MON2: variants seen among roughly 807,000 people sequenced by gnomAD.
MON2 encodes the protein MON2 regulator of endosome-to-Golgi trafficking, also known as protein MON2 homolog.
A neutral mutation model predicts 208.6 loss-of-function variants in MON2; 84 were observed. The ratio of observed to expected loss-of-function variants is 0.40; its 90% CI spans 0.34 to 0.48. The LOEUF (loss-of-function observed/expected upper bound fraction) is 0.48, where lower values mean the gene tolerates loss of function less well. Among genes scored for constraint, MON2 ranks in the 20% least tolerant of loss-of-function variants. The pLI, the probability that MON2 is intolerant of heterozygous loss-of-function variation, is 0.59. For missense variants in MON2, 1,611 were observed against 2,015.4 expected (o/e 0.80, Z 3.84); for synonymous variants, 660 against 694.0 (o/e 0.95, Z 0.77).
chr12:62,498,539 T>G (rs2070664014), intron 4 of MON2, among the ~76,000 whole-genome samples: 1 of 152,202 alleles, frequency 6.6e-6, no homozygotes, highest in Admixed American at 6.5e-5. Flanking sequence ...TGACTCCTTT[T>G]AAAAGTTTCA....
chr12:62,585,353 C>T lies in MON2; in HGVS notation c.4759C>T (p.Leu1587Phe), dbSNP rs1420621759. ...EFSKMCFETL[L>F]QFSFSNKVTT... is the part of the protein sequence containing the mutation. ...TTCTAAAATGTGTTTTGAAACATTA[C>T]TCCAGTTTTCCTTCAGTAATAAAGT... The change falls in exon 33 of 35, where the codon CTC (leucine) becomes TTC (phenylalanine). Residue 1587 changes from leucine (L) to phenylalanine (F), a missense_variant. By Grantham distance (22) the Leu-to-Phe change is conservative (BLOSUM62 0). Transcript: ENST00000393630. The T allele has an allele frequency of 6.2e-7, 1 of 1,613,854 alleles. No individual in the cohort carries two copies. The highest frequency in any genetic ancestry group is 1.7e-5 in the Admixed American group (1 of 59,990).
chr12:62,522,627 C>T (rs2072110003), intron 8 of MON2, among the ~76,000 whole-genome samples: 1 of 152,152 alleles, frequency 6.6e-6, no homozygotes, highest in African/African-American at 2.4e-5. Context: ...TATGACATAT[C>T]TGGGTCACAA....
At chr12:62,550,007 A>T (rs1222194613) in intron 23 of MON2, among the ~76,000 whole-genome samples, 177 bp downstream of exon 23, 1 of 152,224 alleles carries the variant, frequency 6.6e-6, no homozygotes, top group East Asian at 1.9e-4. Context: ...TAATAACAAA[A>T]TGTTTGAAAT....
intron 25 of MON2, 82 bp from the exon 26 acceptor site, chr12:62,560,408 CA>C: frequency 1.5e-6 from 2 of 1,361,900 alleles, no homozygotes; most frequent in South Asian, 2.9e-5. Context: ...AAAAATTAAG[CA>C]AATATGCTTT....
chr12:62,484,709 A>G (rs2069659844), intron 2 of MON2: 1 of 152,290 alleles, frequency 6.6e-6, no homozygotes, highest in African/African-American at 2.4e-5. Context: ...TTAAGGCAGT[A>G]TGATCATGAA....
rs756735162 is a variant in MON2 at position 62,535,596 on chromosome 12, G to T, written c.1787G>T (p.Gly596Val). The change falls in exon 14 of 35, where the codon GGC becomes GTC. Residue 596 changes from glycine to valine, a missense_variant. Gly to Val is a moderately radical substitution (Grantham distance 109). Coordinates refer to ENST00000393630, the MANE Select transcript of MON2 (RefSeq NM_015026.3). Reference sequence around the variant, plus strand: ...ATGGCTGCTCTTTGTGGAAGACTGGGCCTTGTAACTTCAAGAGATGCCTTT... The same window carrying T: ...ATGGCTGCTCTTTGTGGAAGACTGGTCCTTGTAACTTCAAGAGATGCCTTT... ...LTMAALCGRL[G>V]LVTSRDAFIT... 1 of 1,613,684 alleles carries T rather than the reference G, an allele frequency of 6.2e-7. No homozygotes were observed. The highest frequency in any genetic ancestry group is 8.5e-7 in the Non-Finnish European group (1 of 1,179,776).
intron 11 of MON2, 134 bp downstream of exon 11, chr12:62,526,236 C>T (rs2072323185): frequency 4.8e-6 from 4 of 833,846 alleles, no homozygotes; most frequent in Admixed American, 3.0e-5. Flanking sequence ...TTTCTTTCGT[C>T]ATATTTTGAA....
rs535469630 is a variant in MON2, at chr12:62,558,332, T to A, written c.3409+2140T>A. Among the ~76,000 whole-genome samples the A allele has an allele frequency of 4.6e-5, 7 of 152,150 alleles. No homozygotes were observed. The East Asian group carries it at 1.2e-3, about 25-fold the overall frequency. Reference sequence around the variant, plus strand: ...TAAGACAGTTAATGTCTTTGATAATTTTTTATAACTTTAAGAAATGATATT... The same window carrying A: ...TAAGACAGTTAATGTCTTTGATAATATTTTATAACTTTAAGAAATGATATT... On this transcript the variant is annotated intron_variant, in intron 25 of 34. Transcript: ENST00000393630.
intron 1 of MON2, among the ~76,000 whole-genome samples, chr12:62,481,515 C>CAAAAAA (rs5798644): frequency 9.1e-6 from 1 of 110,286 alleles, no homozygotes; most frequent in East Asian, 2.7e-4. Context: ...GACTCCGTCT[C>CAAAAAA]AAAAAAAAAA....
chr12:62,498,654 G>T (rs2070672202), intron 4 of MON2, among the ~76,000 whole-genome samples: 1 of 151,888 alleles, frequency 6.6e-6, no homozygotes, highest in Non-Finnish European at 1.5e-5. Context: ...GTCATTCTGG[G>T]GAAATAAAAG....
At chr12:62,511,481 T>G (rs2071396154) in intron 8 of MON2, among the ~76,000 whole-genome samples, 1 of 152,136 alleles carries the variant, frequency 6.6e-6, no homozygotes, top group African/African-American at 2.4e-5. Flanking sequence ...CAAGTGATCT[T>G]TGAAAAGGGT....
intron 26 of MON2, among the ~76,000 whole-genome samples, chr12:62,563,125 A>G (rs1196920911): frequency 1.3e-5 from 2 of 152,180 alleles, no homozygotes; most frequent in Non-Finnish European, 1.5e-5. Flanking sequence ...ACAGCATCAC[A>G]TTGTATGTGA....
chr12:62,567,968 C>T (rs1270108589), intron 29 of MON2, among the ~76,000 whole-genome samples: 1 of 152,118 alleles, frequency 6.6e-6, no homozygotes, highest in Non-Finnish European at 1.5e-5. Flanking sequence ...ACATGTCTTA[C>T]CTATAATGAG....
intron 10 of MON2, 150 bp from the exon 11 acceptor site, chr12:62,525,799 G>C: frequency 1.6e-6 from 1 of 636,906 alleles, no homozygotes; most frequent in South Asian, 2.1e-5. Flanking sequence ...GATAGACAAA[G>C]TAGTACTGAT....
At chr12:62,503,347 C>T (rs974404732) in intron 7 of MON2, among the ~76,000 whole-genome samples, 3 of 152,154 alleles carry the variant, frequency 2.0e-5, no homozygotes, top group East Asian at 1.9e-4. Context: ...CCGACCATCA[C>T]CTTCAAAATA....
At chr12:62,494,583 TTTAA>T (rs2070364703) in intron 3 of MON2, among the ~76,000 whole-genome samples, 1 of 152,222 alleles carries the variant, frequency 6.6e-6, no homozygotes, top group African/African-American at 2.4e-5. Context: ...CAATGTCAGA[TTTAA>T]TTGAGTGTGC....
intron 29 of MON2, 129 bp from the exon 30 acceptor site, chr12:62,571,263 T>A: frequency 2.8e-6 from 2 of 710,074 alleles, no homozygotes; most frequent in Non-Finnish European, 4.3e-6. Context: ...ACATCCTTTT[T>A]AAATGAAAAT....
Position 62,571,584 on chromosome 12 carries a change from T to TCAG in MON2, c.4514+4_4514+6dup. ...TGAAGATTTTCTCTTTACTAAAAGG[T>TCAG]CAGCTCATTCATTTTTAAAATTAAG... On this transcript the variant is annotated splice_region_variant and intron_variant, in intron 30 of 34. Transcript: ENST00000393630. The TCAG allele has an allele frequency of 1.3e-6, 2 of 1,593,464 alleles. No individual in the cohort carries two copies. The highest frequency in any genetic ancestry group is 1.7e-6 in the Non-Finnish European group (2 of 1,170,460).
At position 62,556,151 on chromosome 12, in the gene MON2, C is replaced by T; in HGVS notation, c.3368C>T (p.Ala1123Val). The change falls in exon 25 of 35, where the codon GCA (alanine) becomes GTA (valine). Residue 1123 changes from alanine to valine, a missense_variant. Physicochemically the swap from Ala to Val is moderately conservative, Grantham distance 64. Transcript: ENST00000393630. Reference sequence around the variant, plus strand: ...TGGGTATTAACATTGGCTGGAGTAGCAAGGATCTTCAACACTAGAAGATAT... The same window carrying T: ...TGGGTATTAACATTGGCTGGAGTAGTAAGGATCTTCAACACTAGAAGATAT... Reference protein sequence around the residue: ...ETWVLTLAGVARIFNTRRYLL... With the variant: ...ETWVLTLAGVVRIFNTRRYLL... The T allele has an allele frequency of 6.2e-7, 1 of 1,613,746 alleles. No homozygotes were observed.
Sources: allele counts gnomAD v4.1 joint callset (sites outside exome capture counted in the v4.1 genomes callset), GRCh38; gene constraint gnomAD v4.1.1; transcripts MANE v1.5; gene names NCBI Gene and HGNC (gene_info 2026-07-23, HGNC 2026-07-21).